TMCC1: variants seen among roughly 807,000 people sequenced by gnomAD.
The protein encoded by TMCC1 is transmembrane and coiled-coil domains protein 1.
TMCC1 carries 15 observed loss-of-function variants against 52.4 expected under a neutral mutation model. That is an observed-to-expected ratio of 0.29 (90% confidence interval 0.19 to 0.44). The LOEUF (loss-of-function observed/expected upper bound fraction) is 0.44, where lower values mean the gene tolerates loss of function less well. TMCC1 is among the 20% of genes least tolerant of loss of function. The pLI is 1.00. For synonymous variants in TMCC1, 279 were observed against 301.9 expected (o/e 0.92, Z 0.79); for missense variants, 503 against 806.0 (o/e 0.62, Z 4.55).
chr3:129,777,034 A>G (rs1220011968), intron 4 of TMCC1, among the ~76,000 whole-genome samples: 1 of 152,178 alleles, frequency 6.6e-6, no homozygotes, highest in Admixed American at 6.5e-5. Flanking sequence ...GCCATGTACC[A>G]GGAACTATGC....
chr3:129,736,339 C>G (rs1257712210), intron 4 of TMCC1, among the ~76,000 whole-genome samples: 2 of 152,170 alleles, frequency 1.3e-5, no homozygotes, highest in Non-Finnish European at 2.9e-5. Context: ...TAGAGTCACT[C>G]AGGATAGTGA....
chr3:129,659,811 T>C (rs560067353), intron 5 of TMCC1, among the ~76,000 whole-genome samples: 6 of 152,340 alleles, frequency 3.9e-5, no homozygotes, highest in African/African-American at 1.4e-4. Flanking sequence ...AGCTAATGCA[T>C]GTGCTCAGTC....
At chr3:129,723,972 A>G (rs2049871199) in intron 4 of TMCC1, among the ~76,000 whole-genome samples, 1 of 148,366 alleles carries the variant, frequency 6.7e-6, no homozygotes, top group African/African-American at 2.5e-5. Flanking sequence ...ACGGTTTCCG[A>G]GGAGAGTGAG....
chr3:129,674,040 T>C (rs2088188976), intron 4 of TMCC1, among the ~76,000 whole-genome samples: 1 of 152,210 alleles, frequency 6.6e-6, no homozygotes, highest in Admixed American at 6.5e-5. Flanking sequence ...TAACCTGCTG[T>C]ACAGGTTTGT....
intron 4 of TMCC1, among the ~76,000 whole-genome samples, chr3:129,775,112 A>G (rs1474103336): frequency 1.3e-5 from 2 of 152,138 alleles, no homozygotes; most frequent in Non-Finnish European, 2.9e-5. Flanking sequence ...AGAAAGTAGA[A>G]TCAATGACAT....
Position 129,783,942 on chromosome 3 carries a change from G to GA in TMCC1, c.576+43860dup, listed in dbSNP as rs575533185. 1.1e-4 allele frequency among the ~76,000 whole-genome samples: 17 copies of GA among 152,304 alleles called. No individual in the cohort carries two copies. The East Asian group carries it at 3.3e-3, about 29-fold the overall frequency. ...ATAGCTCGGAAAGAATATTGGCAGA[G>GA]ACTACAATATTTGCATATCTTTCTG... On this transcript the variant is annotated intron_variant, in intron 4 of 6. Transcript: ENST00000393238.
chr3:129,747,266 T>C (rs71333633), intron 4 of TMCC1, among the ~76,000 whole-genome samples: 2,352 of 152,226 alleles, frequency 0.015, 26 homozygotes, highest in Non-Finnish European at 0.023. Flanking sequence ...AACTATGCAT[T>C]CTTTCTCCCG....
chr3:129,698,050 C>T (rs1463334596), intron 4 of TMCC1, among the ~76,000 whole-genome samples: 1 of 152,164 alleles, frequency 6.6e-6, no homozygotes, highest in Non-Finnish European at 1.5e-5. Flanking sequence ...TTCAAAACTG[C>T]TTCCACATTT....
At chr3:129,690,308 C>T (rs1055035425) in intron 4 of TMCC1, among the ~76,000 whole-genome samples, 1 of 151,962 alleles carries the variant, frequency 6.6e-6, no homozygotes, top group African/African-American at 2.4e-5. Flanking sequence ...ATATACCGAG[C>T]TACTAGATTG....
At chr3:129,655,397 C>G (rs1024227682) in intron 5 of TMCC1, among the ~76,000 whole-genome samples, 1 of 152,178 alleles carries the variant, frequency 6.6e-6, no homozygotes, top group Non-Finnish European at 1.5e-5. Context: ...AATATTAAGA[C>G]AGTCATTAGG....
At chr3:129,713,241 T>C (rs1460459780) in intron 4 of TMCC1, among the ~76,000 whole-genome samples, 3 of 152,154 alleles carry the variant, frequency 2.0e-5, no homozygotes, top group Non-Finnish European at 4.4e-5. Context: ...TAGCCTGGGC[T>C]TTTTTCCTCC....
intron 4 of TMCC1, among the ~76,000 whole-genome samples, chr3:129,799,268 C>T (rs758822652): frequency 1.3e-5 from 2 of 152,018 alleles, no homozygotes; most frequent in Non-Finnish European, 2.9e-5. Context: ...ATTTCTTTCT[C>T]CTAAAAAAAC....
At chr3:129,691,793 G>T (rs749732330) in intron 4 of TMCC1, among the ~76,000 whole-genome samples, 15 of 152,044 alleles carry the variant, frequency 9.9e-5, no homozygotes, top group Non-Finnish European at 1.6e-4. Context: ...AAAGACCATG[G>T]CCTCTTGTTT....
chr3:129,849,606 A>T (rs907374653), intron 2 of TMCC1, among the ~76,000 whole-genome samples: 1 of 151,892 alleles, frequency 6.6e-6, no homozygotes, highest in African/African-American at 2.4e-5. Context: ...CAACTAAAAA[A>T]ATACAAAAAA....
chr3:129,844,470 T>C (rs187575776), intron 2 of TMCC1, among the ~76,000 whole-genome samples: 41 of 152,346 alleles, frequency 2.7e-4, no homozygotes, highest in African/African-American at 9.4e-4. Context: ...ATGATACATA[T>C]GCAAGAATAA....
chr3:129,883,549 G>A (rs1234176341), intron 1 of TMCC1, among the ~76,000 whole-genome samples: 1 of 152,232 alleles, frequency 6.6e-6, no homozygotes, highest in East Asian at 1.9e-4. Flanking sequence ...AGGAGGTCAA[G>A]GCTGCAGTAA....
At chr3:129,696,779 G>C (rs940239985) in intron 4 of TMCC1, among the ~76,000 whole-genome samples, 10 of 152,180 alleles carry the variant, frequency 6.6e-5, no homozygotes, top group Non-Finnish European at 8.8e-5. Context: ...AAATGAAGGG[G>C]CTACAGGCCC....
chr3:129,890,017 G>A (rs1473641038), intron 1 of TMCC1, among the ~76,000 whole-genome samples: 2 of 152,064 alleles, frequency 1.3e-5, no homozygotes, highest in African/African-American at 4.8e-5. Flanking sequence ...GGGGCATGGT[G>A]GCTCATGCTT....
intron 4 of TMCC1, among the ~76,000 whole-genome samples, chr3:129,715,174 G>C (rs568079837): frequency 2.0e-4 from 30 of 152,188 alleles, no homozygotes; most frequent in African/African-American, 7.2e-4. Context: ...GACAATTACA[G>C]TAACAGAGAA....
Sources: allele counts gnomAD v4.1 joint callset (sites outside exome capture counted in the v4.1 genomes callset), GRCh38; gene constraint gnomAD v4.1.1; transcripts MANE v1.5; gene names NCBI Gene and HGNC (gene_info 2026-07-23, HGNC 2026-07-21).